RAP1GDS1: variants seen among roughly 807,000 people sequenced by gnomAD.
RAP1GDS1 encodes RAP1, GTP-GDP dissociation stimulator 1.
Under a neutral mutation model 71.1 loss-of-function variants are expected in RAP1GDS1, and 35 were observed. The observed-to-expected ratio is 0.49, with a 90% CI of 0.38 to 0.65. The LOEUF (loss-of-function observed/expected upper bound fraction) is 0.65, where lower values mean the gene tolerates loss of function less well. Among genes scored for constraint, RAP1GDS1 ranks in the 30% least tolerant of loss-of-function variants. The probability of loss-of-function intolerance (pLI) is 0.00; values close to 1 mark genes in which losing one functional copy is unlikely to be tolerated. For missense variants in RAP1GDS1, 663 were observed against 706.1 expected (o/e 0.94, Z 0.69); for synonymous variants, 229 against 243.1 (o/e 0.94, Z 0.54).
At chr4:98,385,828 CT>C (rs1274581865) in intron 5 of RAP1GDS1, among the ~76,000 whole-genome samples, 1 of 151,674 alleles carries the variant, frequency 6.6e-6, no homozygotes, top group Admixed American at 6.6e-5. Context: ...CTAATATATT[CT>C]TTTGTAAAAG....
intron 7 of RAP1GDS1, among the ~76,000 whole-genome samples, chr4:98,412,824 T>G (rs1262843032): frequency 1.3e-5 from 2 of 151,912 alleles, no homozygotes. Flanking sequence ...ACCAGGAAGT[T>G]TTTATTAGGG....
At chr4:98,395,743 G>A (rs928977094) in intron 6 of RAP1GDS1, among the ~76,000 whole-genome samples, 24 of 152,034 alleles carry the variant, frequency 1.6e-4, no homozygotes, top group East Asian at 1.2e-3. Flanking sequence ...CATTCTGTGC[G>A]TCTTTTGAGT....
At chr4:98,305,524 A>G (rs1261929676) in intron 2 of RAP1GDS1, among the ~76,000 whole-genome samples, 1 of 152,178 alleles carries the variant, frequency 6.6e-6, no homozygotes, top group Non-Finnish European at 1.5e-5. Context: ...ATTCTTACCT[A>G]GGAGTTTATA....
chr4:98,443,031 T>C lies in RAP1GDS1; in HGVS notation c.*914T>C. 1 of 215,830 alleles carries C rather than the reference T, an allele frequency of 4.6e-6. No individual in the cohort carries two copies. Among genetic ancestry groups the C allele is most frequent in the Non-Finnish European group, 9.2e-6 (1 of 108,988 alleles). 13.4% of individuals were successfully genotyped at this position (215,830 alleles called of 1,614,324 possible). A position where few individuals can be genotyped will look rare whatever the true frequency, so the allele number is the denominator to read the frequency against. The stretch of plus-strand genomic sequence containing the variant: ...AAGAATGGAATTTTTTTTTTTTTTT[T>C]TTTTTTTGCTGTTTTTCATCATTCA... On this transcript the variant is annotated 3_prime_UTR_variant, in exon 15 of 15. Coordinates refer to ENST00000408927, the MANE Select transcript of RAP1GDS1 (RefSeq NM_001100427.2).
chr4:98,350,793 G>A (rs1344100621), intron 3 of RAP1GDS1, among the ~76,000 whole-genome samples: 2 of 152,134 alleles, frequency 1.3e-5, no homozygotes, highest in African/African-American at 2.4e-5. Flanking sequence ...AGCCGAGACT[G>A]TGCCATTGCA....
At chr4:98,276,554 TTCTTAAAGTA>T in intron 1 of RAP1GDS1, among the ~76,000 whole-genome samples, 1 of 152,264 alleles carries the variant, frequency 6.6e-6, no homozygotes, top group Middle Eastern at 3.4e-3. Context: ...TCTCTTATTT[TTCTTAAAGTA>T]TGTCTTTCTT....
intron 4 of RAP1GDS1, among the ~76,000 whole-genome samples, chr4:98,359,410 C>A (rs1192540700): frequency 6.6e-6 from 1 of 151,998 alleles, no homozygotes; most frequent in African/African-American, 2.4e-5. Context: ...TATAAAAAAA[C>A]CTTTAAGTAG....
chr4:98,408,182 C>T (rs1293074318), intron 7 of RAP1GDS1, among the ~76,000 whole-genome samples: 1 of 151,882 alleles, frequency 6.6e-6, no homozygotes, highest in Non-Finnish European at 1.5e-5. Context: ...CATCTCGGCT[C>T]ACTGCAGCCT....
At chr4:98,416,378 G>T (rs1398216105) in intron 7 of RAP1GDS1, among the ~76,000 whole-genome samples, 4 of 101,374 alleles carry the variant, frequency 3.9e-5, no homozygotes, top group African/African-American at 1.6e-4. Context: ...ACAGAGTCTC[G>T]CTCTATTGCC....
intron 11 of RAP1GDS1, 152 bp from the exon 12 acceptor site, chr4:98,421,103 C>A: frequency 2.6e-6 from 2 of 760,396 alleles, no homozygotes; most frequent in East Asian, 2.9e-5. Context: ...AGGCAAATAG[C>A]CCATCACATA....
At chr4:98,298,950 C>T (rs1728180245) in intron 2 of RAP1GDS1, among the ~76,000 whole-genome samples, 1 of 152,050 alleles carries the variant, frequency 6.6e-6, no homozygotes. Context: ...GGTACATGTG[C>T]ACAACATGCA....
At chr4:98,395,119 C>T (rs1203488222) in intron 6 of RAP1GDS1, among the ~76,000 whole-genome samples, 2 of 152,040 alleles carry the variant, frequency 1.3e-5, no homozygotes, top group Non-Finnish European at 2.9e-5. Flanking sequence ...AAAAATAATT[C>T]TTGATGTACA....
chr4:98,359,413 TTAAG>T (rs1240498344), intron 4 of RAP1GDS1, among the ~76,000 whole-genome samples: 1 of 152,038 alleles, frequency 6.6e-6, no homozygotes, highest in African/African-American at 2.4e-5. Context: ...AAAAAAACCT[TTAAG>T]TAGTAAAGAG....
At chr4:98,426,598 A>G (rs1749645938) in intron 12 of RAP1GDS1, among the ~76,000 whole-genome samples, 1 of 152,104 alleles carries the variant, frequency 6.6e-6, no homozygotes, top group African/African-American at 2.4e-5. Context: ...TTTACATGCA[A>G]AAACTAGAAA....
chr4:98,359,252 A>G (rs1228018429), intron 4 of RAP1GDS1, among the ~76,000 whole-genome samples: 1 of 152,284 alleles, frequency 6.6e-6, no homozygotes, highest in East Asian at 1.9e-4. Context: ...GGACAAAAGC[A>G]GAGTAAATTT....
chr4:98,287,928 T>TA (rs1726281720), intron 1 of RAP1GDS1, among the ~76,000 whole-genome samples: 1 of 152,188 alleles, frequency 6.6e-6, no homozygotes, highest in South Asian at 2.1e-4. Flanking sequence ...ATTAGTTTCA[T>TA]ATTCTTTTTA....
chr4:98,267,928 G>A (rs774830222), intron 1 of RAP1GDS1, among the ~76,000 whole-genome samples: 5 of 152,202 alleles, frequency 3.3e-5, no homozygotes, highest in Non-Finnish European at 5.9e-5. Context: ...TCCAAATTGC[G>A]TTCCACAGTG....
At chr4:98,435,080 G>C (rs762017437) in intron 13 of RAP1GDS1, among the ~76,000 whole-genome samples, 2 of 152,184 alleles carry the variant, frequency 1.3e-5, no homozygotes, top group Non-Finnish European at 2.9e-5. Flanking sequence ...AAGGCCTAAG[G>C]CTGCTTAACA....
At chr4:98,394,471 T>C (rs955053735) in intron 6 of RAP1GDS1, among the ~76,000 whole-genome samples, 1 of 152,112 alleles carries the variant, frequency 6.6e-6, no homozygotes, top group African/African-American at 2.4e-5. Context: ...TTATTCCATG[T>C]AGTATGTCCA....
Sources: gnomAD v4.1 joint callset for allele counts (sites outside exome capture counted in the v4.1 genomes callset) on GRCh38, gnomAD v4.1.1 for gene constraint, MANE v1.5 for transcripts, NCBI Gene and HGNC (gene_info 2026-07-23, HGNC 2026-07-21) for gene names.